The following TSPAN1 variants were observed in gnomAD, a reference collection of about 807,000 sequenced individuals.
TSPAN1 encodes the protein tetraspanin 1.
TSPAN1 carries 23 observed loss-of-function variants against 26.9 expected under a neutral mutation model. The ratio of observed to expected loss-of-function variants is 0.85; its 90% confidence interval spans 0.62 to 1.21. TSPAN1 has a LOEUF of 1.21. Ranked by LOEUF, TSPAN1 falls within the 50% of genes most tolerant of loss-of-function variation. The pLI, the probability that TSPAN1 is intolerant of heterozygous loss-of-function variation, is 0.00. For missense variants in TSPAN1, 283 were observed against 298.4 expected (o/e 0.95, Z 0.38); for synonymous variants, 115 against 114.8 (o/e 1.00, Z -0.01).
chr1:46,175,654 A>T (rs562130584), intron 1 of TSPAN1: 333 of 399,626 alleles, frequency 8.3e-4, no homozygotes, highest in Non-Finnish European at 1.3e-3. Flanking sequence ...GAGAGGGAAG[A>T]GTTTGAGGAA....
chr1:46,181,211 G>A (rs752126916), intron 3 of TSPAN1, 47 bp downstream of exon 3: 1 of 1,571,144 alleles, frequency 6.4e-7, no homozygotes. Context: ...ATAGGAGCAG[G>A]TCACAAGCTG....
At chr1:46,191,587 T>G in the TSPAN1 span, 4 of 228,036 alleles carry the variant, frequency 1.8e-5, no homozygotes, top group Non-Finnish European at 2.6e-5. Flanking sequence ...TTACATATAT[T>G]GACTCATTTA....
intron 1 of TSPAN1, among the ~76,000 whole-genome samples, chr1:46,177,306 G>C (rs1657197074): frequency 1.3e-5 from 2 of 151,128 alleles, no homozygotes; most frequent in South Asian, 4.2e-4. Flanking sequence ...TTGCACTCCA[G>C]CCTGGGCAAC....
At chr1:46,179,008 C>T (rs76075631) in intron 1 of TSPAN1, among the ~76,000 whole-genome samples, 209 of 152,232 alleles carry the variant, frequency 1.4e-3, no homozygotes, top group Middle Eastern at 6.8e-3. Context: ...CCTCCTTTCA[C>T]TATAAAAACA....
the TSPAN1 span, chr1:46,193,317 G>C: frequency 6.2e-7 from 1 of 1,613,772 alleles, no homozygotes; most frequent in Non-Finnish European, 8.5e-7. Context: ...GAGACACGCG[G>C]GCATTCTTGA....
downstream of TSPAN1, chr1:46,190,935 C>T: frequency 1.4e-6 from 1 of 729,396 alleles, no homozygotes; most frequent in Non-Finnish European, 2.5e-6. Flanking sequence ...ATCCTCTTTG[C>T]AGCATCCTCA....
chr1:46,193,806 C>T, the TSPAN1 span: 5 of 1,610,852 alleles, frequency 3.1e-6, no homozygotes, highest in African/African-American at 4.0e-5. Context: ...GGTAGATGAC[C>T]TAAGCACCCT....
chr1:46,195,359 TACTC>T, the TSPAN1 span: 1 of 375,950 alleles, frequency 2.7e-6, no homozygotes, highest in Non-Finnish European at 5.1e-6. Context: ...TTCCTCCAGA[TACTC>T]ACCTGGCTCA....
downstream of TSPAN1, chr1:46,188,864 G>GCC (rs940315351): frequency 1.2e-6 from 2 of 1,612,772 alleles, no homozygotes; most frequent in African/African-American, 2.7e-5. Context: ...CTGAGTAAGA[G>GCC]CCAGCCCCAC....
At chr1:46,193,813 C>A in the TSPAN1 span, 1 of 1,612,166 alleles carries the variant, frequency 6.2e-7, no homozygotes. Flanking sequence ...GACCTAAGCA[C>A]CCTCCTGTTC....
At chr1:46,194,234 G>A in the TSPAN1 span, 1 of 1,614,078 alleles carries the variant, frequency 6.2e-7, no homozygotes, top group East Asian at 2.2e-5. Flanking sequence ...TGCTGAGCTG[G>A]GAAGGAGTCC....
the TSPAN1 span, chr1:46,195,845 A>G: frequency 1.2e-6 from 2 of 1,610,708 alleles, no homozygotes; most frequent in Non-Finnish European, 1.7e-6. Flanking sequence ...GCCGGGCGCT[A>G]CCATGTTGAG....
At chr1:46,187,723 G>A (rs932669206), downstream of TSPAN1, among the ~76,000 whole-genome samples, 1 of 152,198 alleles carries the variant, frequency 6.6e-6, no homozygotes, top group African/African-American at 2.4e-5. Context: ...CTCATCATGG[G>A]CTAATTGCTG....
Position 46,185,639 on chromosome 1 carries a change from T to C in TSPAN1, c.*106T>C. 1 of 1,294,922 alleles carries C rather than the reference T, an allele frequency of 7.7e-7. No individual in the cohort carries two copies. Among genetic ancestry groups the C allele is most frequent in the Middle Eastern group, 1.9e-4 (1 of 5,240 alleles). 80.2% of individuals were successfully genotyped at this position (1,294,922 alleles called of 1,614,324 possible). A position where few individuals can be genotyped will look rare whatever the true frequency, so the allele number is the denominator to read the frequency against. The stretch of plus-strand genomic sequence containing the variant: ...GGGGACAGGATCTAACAATGTCACT[T>C]GGGCCAGAATGGACCTGCCCTTTCT... On this transcript the variant is annotated 3_prime_UTR_variant, in exon 9 of 9. Coordinates refer to ENST00000372003, the MANE Select transcript of TSPAN1 (RefSeq NM_005727.4).
chr1:46,190,430 G>C (rs1460304840), downstream of TSPAN1: 5 of 1,537,386 alleles, frequency 3.3e-6, no homozygotes, highest in Non-Finnish European at 4.5e-6. Flanking sequence ...CCCAGTATTT[G>C]ACTCTTTGCT....
At chr1:46,188,014 T>A (rs1184376742), downstream of TSPAN1, among the ~76,000 whole-genome samples, 1 of 152,130 alleles carries the variant, frequency 6.6e-6, no homozygotes, top group African/African-American at 2.4e-5. Context: ...AATGTTCTTT[T>A]CCCTGCCGTA....
rs992920567 is a variant in TSPAN1, at chr1:46,175,319, G to A, written c.-232G>A. 5.9e-6 allele frequency: 2 copies of A among 339,496 alleles called. No homozygotes were observed. Among genetic ancestry groups the A allele is most frequent in the African/African-American group, 4.2e-5 (2 of 47,296 alleles). The allele number at this position is 339,496 out of a possible 1,614,324, so 21.0% of individuals were successfully genotyped here. On this transcript the variant is annotated 5_prime_UTR_variant, in exon 1 of 9. It removes the in-frame stop codon of an upstream open reading frame in the 5' UTR. Transcript: ENST00000372003. ...TACTTCATGGGGCAGATCAAGAGCT[G>A]AGACCAAAGATGGTCTATGTTGCTG...
At chr1:46,183,343 G>A (rs2148144786) in intron 3 of TSPAN1, 1 of 152,382 alleles carries the variant, frequency 6.6e-6, no homozygotes, top group African/African-American at 2.4e-5. Context: ...AACATGCCTG[G>A]AATCCAGCCA....
chr1:46,194,167 GT>G, the TSPAN1 span: 9 of 1,598,826 alleles, frequency 5.6e-6, no homozygotes, highest in African/African-American at 1.2e-4. Flanking sequence ...CCTGCCCCTG[GT>G]TCTCTCCCAG....
Sources: gnomAD v4.1 joint callset for allele counts (sites outside exome capture counted in the v4.1 genomes callset) on GRCh38, gnomAD v4.1.1 for gene constraint, MANE v1.5 for transcripts, NCBI Gene and HGNC (gene_info 2026-07-23, HGNC 2026-07-21) for gene names.